Variants in ASRGL1 observed in about 807,000 individuals in gnomAD.
ASRGL1 encodes the protein isoaspartyl peptidase/L-asparaginase.
In ASRGL1, 16 loss-of-function variants were observed where a neutral mutation model predicts 22.4. The observed-to-expected ratio is 0.71, with a 90% CI of 0.48 to 1.08. The LOEUF is 1.08. Among genes scored for constraint, ASRGL1 ranks in the 50% least tolerant of loss-of-function variants. The pLI is 0.00. For missense variants in ASRGL1, 412 were observed against 410.1 expected (o/e 1.00, Z -0.04); for synonymous variants, 165 against 159.3 (o/e 1.04, Z -0.27).
chr11:62,366,160 G>C (rs1175412531), intron 4 of ASRGL1, among the ~76,000 whole-genome samples: 4 of 137,140 alleles, frequency 2.9e-5, no homozygotes, highest in Admixed American at 7.5e-5. Context: ...TACTCAGGAG[G>C]CTGAGGCAGG....
chr11:62,386,816 C>G (rs1222088153), intron 4 of ASRGL1, among the ~76,000 whole-genome samples: 1 of 152,154 alleles, frequency 6.6e-6, no homozygotes, highest in African/African-American at 2.4e-5. Flanking sequence ...GTTCCACTTC[C>G]TGCACATCCT....
chr11:62,401,130 G>A, the ASRGL1 span, among the ~76,000 whole-genome samples: 32 of 152,310 alleles, frequency 2.1e-4, 1 homozygote, highest in South Asian at 5.4e-3. Flanking sequence ...AAGGCCAACC[G>A]CATTGCCATT....
chr11:62,350,797 A>G (rs1466488645), intron 2 of ASRGL1, among the ~76,000 whole-genome samples: 1 of 152,238 alleles, frequency 6.6e-6, no homozygotes, highest in African/African-American at 2.4e-5. Context: ...CTCTGTCTCA[A>G]AAAAGAAAAA....
rs140693977 is a variant in ASRGL1 at position 62,392,257 on chromosome 11, C to T, written c.900C>T (p.Asp300=). 1.3e-3 allele frequency: 2,124 copies of T among 1,613,990 alleles called. 3 individuals are homozygous for T. The highest frequency in any genetic ancestry group is 1.5e-3 in the Non-Finnish European group (1,819 of 1,180,032). ...DGKLHFGIDP[D]DTTITDLP Reference sequence around the variant, plus strand: ...AGCTGCACTTCGGAATTGATCCTGACGATACTACTATCACCGACCTTCCCT... The same window carrying T: ...AGCTGCACTTCGGAATTGATCCTGATGATACTACTATCACCGACCTTCCCT... The change falls in exon 7 of 7, where the codon GAC becomes GAT. Residue 300 remains aspartate (D), a synonymous_variant. Coordinates refer to ENST00000415229, the MANE Select transcript of ASRGL1 (RefSeq NM_001083926.2).
intron 4 of ASRGL1, among the ~76,000 whole-genome samples, chr11:62,384,312 G>A (rs1947151477): frequency 6.6e-6 from 1 of 152,006 alleles, no homozygotes; most frequent in Non-Finnish European, 1.5e-5. Context: ...AGACCAGCCT[G>A]GCCAAGATGG....
At chr11:62,340,212 A>G (rs1565150366) in intron 2 of ASRGL1, among the ~76,000 whole-genome samples, 1 of 152,180 alleles carries the variant, frequency 6.6e-6, no homozygotes, top group African/African-American at 2.4e-5. Context: ...CAAGGCTGCA[A>G]TGAGCCAAGA....
At chr11:62,372,898 G>GA in intron 4 of ASRGL1, 1 of 1,590,548 alleles carries the variant, frequency 6.3e-7, no homozygotes, top group South Asian at 1.1e-5. Context: ...TGCAGCTGGA[G>GA]AATCTGGAGC....
Position 62,356,351 on chromosome 11 carries a change from G to A in ASRGL1, c.217G>A (p.Gly73Ser), listed in dbSNP as rs1946295364. ...TTGTGGGTCTGTCTTGAACACAAAT[G>A]GTGAGGTTGAAATGGATGCTAGTAT... Reference protein sequence around the residue: ...AGCGSVLNTNGEVEMDASIMD... With the variant: ...AGCGSVLNTNSEVEMDASIMD... Residue 73 changes from glycine to serine, a missense_variant, in exon 3 of 7, where the codon GGT becomes AGT. Coordinates refer to ENST00000415229, the MANE Select transcript of ASRGL1 (RefSeq NM_001083926.2). 4 of 1,614,062 alleles carry A rather than the reference G, an allele frequency of 2.5e-6. No individual in the cohort carries two copies. The South Asian group carries it at 3.3e-5, about 13-fold the overall frequency.
At chr11:62,343,991 C>T (rs899627229) in intron 2 of ASRGL1, among the ~76,000 whole-genome samples, 3 of 143,390 alleles carry the variant, frequency 2.1e-5, no homozygotes, top group African/African-American at 5.2e-5. Context: ...AGAAATGGCG[C>T]GATCTCAGCT....
chr11:62,352,877 G>A (rs530809905), intron 2 of ASRGL1, among the ~76,000 whole-genome samples: 2 of 152,106 alleles, frequency 1.3e-5, no homozygotes, highest in South Asian at 4.2e-4. Flanking sequence ...AGTTTGCGGT[G>A]GTTTGGTTAT....
In ASRGL1 at chr11:62,357,120, G is replaced by T. The variant is rs145178428; in HGVS notation, c.467G>T (p.Gly156Val). The change falls in exon 4 of 7, where the codon GGT (glycine) becomes GTT (valine). Residue 156 changes from glycine to valine, a missense_variant. Transcript: ENST00000415229. ...KRLEKEKHEK[G>V]AQKTDCQKNL... ...CTGGAAAAAGAGAAGCATGAAAAAG[G>T]TGCTCAGAAAACAGATTGTCAAAAG... The T allele has an allele frequency of 1.5e-5, 24 of 1,613,662 alleles. No homozygotes were observed. Among genetic ancestry groups the T allele is most frequent in the Non-Finnish European group, 1.9e-5 (23 of 1,179,946 alleles).
intron 4 of ASRGL1, among the ~76,000 whole-genome samples, chr11:62,379,265 A>G (rs1947006657): frequency 6.6e-6 from 1 of 152,148 alleles, no homozygotes; most frequent in South Asian, 2.1e-4. Context: ...GTTTAAAGCA[A>G]TGATAGAGAC....
chr11:62,356,079 C>G (rs548653340), intron 2 of ASRGL1, among the ~76,000 whole-genome samples: 2 of 152,214 alleles, frequency 1.3e-5, no homozygotes, highest in Non-Finnish European at 2.9e-5. Flanking sequence ...CCTTTCCCCC[C>G]TTTCTATTCC....
At chr11:62,398,657 C>T in the ASRGL1 span, among the ~76,000 whole-genome samples, 1 of 152,236 alleles carries the variant, frequency 6.6e-6, no homozygotes, top group South Asian at 2.1e-4. Context: ...CCCGCCCCTC[C>T]CCTGGGCCCA....
chr11:62,383,602 C>CAAAAAAAAAAAAAAAAAAAAAAAAAAAA, intron 4 of ASRGL1, among the ~76,000 whole-genome samples: 1 of 21,900 alleles, frequency 4.6e-5, no homozygotes, highest in Non-Finnish European at 7.3e-5. Context: ...GACTCCTACT[C>CAAAAAAAAAAAAAAAAAAAAAAAAAAAA]AAAAAAAAAA....
Position 62,357,026 on chromosome 11 carries a change from T to C in ASRGL1, c.373T>C (p.Phe125Leu). ...CFLTDQGAAQ[F>L]AAAMGVPEIP... is the part of the protein sequence containing the mutation. ...TCTGACTGACCAAGGCGCAGCGCAG[T>C]TTGCAGCAGCTATGGGGGTTCCAGA... Residue 125 changes from phenylalanine to leucine, a missense_variant, in exon 4 of 7, where the codon TTT becomes CTT. By Grantham distance (22) the Phe-to-Leu change is conservative (BLOSUM62 0). Coordinates refer to ENST00000415229, the MANE Select transcript of ASRGL1 (RefSeq NM_001083926.2). The C allele has an allele frequency of 6.2e-7, 1 of 1,613,984 alleles. No individual in the cohort carries two copies. Among genetic ancestry groups the C allele is most frequent in the South Asian group, 1.1e-5 (1 of 91,066 alleles).
At chr11:62,372,595 T>C (rs771415183) in intron 4 of ASRGL1, 12 of 882,860 alleles carry the variant, frequency 1.4e-5, no homozygotes, top group Non-Finnish European at 2.3e-5. Flanking sequence ...GTACCAAATA[T>C]GGTTATGCGA....
chr11:62,392,568 C>CAA lies in ASRGL1; in HGVS notation c.*300_*301dup, dbSNP rs5792257. On this transcript the variant is annotated 3_prime_UTR_variant, in exon 7 of 7. Transcript: ENST00000415229. ...TGGGCAACAGAGCCAGGCCCTGTAT[C>CAA]AAAAAAAAAAAAAAAAAGAAAAGGG... 0.062 allele frequency: 17,855 copies of CAA among 287,214 alleles called. 944 individuals are homozygous for CAA. The highest frequency in any genetic ancestry group is 0.079 in the Non-Finnish European group (12,194 of 154,212). 17.8% of individuals were successfully genotyped at this position (287,214 alleles called of 1,614,324 possible).
intron 5 of ASRGL1, among the ~76,000 whole-genome samples, chr11:62,391,223 G>A (rs1490630516): frequency 6.6e-6 from 1 of 152,168 alleles, no homozygotes; most frequent in Non-Finnish European, 1.5e-5. Context: ...GGAGAGGGTG[G>A]CTTCATTGAG....
Sources: allele counts gnomAD v4.1 joint callset (sites outside exome capture counted in the v4.1 genomes callset), GRCh38; gene constraint gnomAD v4.1.1; transcripts MANE v1.5; gene names NCBI Gene and HGNC (gene_info 2026-07-23, HGNC 2026-07-21).